Variants in LSMEM1 observed in about 807,000 individuals in gnomAD.
LSMEM1 encodes the protein leucine rich single-pass membrane protein 1.
In LSMEM1, 10 loss-of-function variants were observed where a neutral mutation model predicts 11.3. The ratio of observed to expected loss-of-function variants is 0.89; its 90% CI spans 0.55 to 1.50. LSMEM1 has a LOEUF of 1.50. Ranked by LOEUF, LSMEM1 falls within the 40% of genes most tolerant of loss-of-function variation. The pLI, the probability that LSMEM1 is intolerant of heterozygous loss-of-function variation, is 0.00. For missense variants in LSMEM1, 151 were observed against 152.9 expected (o/e 0.99, Z 0.06); for synonymous variants, 65 against 59.3 (o/e 1.10, Z -0.44).
Position 112,489,986 on chromosome 7 carries a change from A to G in LSMEM1, c.*37A>G. On this transcript the variant is annotated 3_prime_UTR_variant, in exon 4 of 4. Coordinates refer to ENST00000312849, the MANE Select transcript of LSMEM1 (RefSeq NM_182597.3). ...TCTGAAAGCACCTGCTAACACCTTG[A>G]GCTTTTTACTTTCCTGGGAGTGTAC... 6.3e-7 allele frequency: 1 copy of G among 1,594,354 alleles called. No individual in the cohort carries two copies. Among genetic ancestry groups the G allele is most frequent in the Non-Finnish European group, 8.5e-7 (1 of 1,172,188 alleles).
At chr7:112,480,774 G>A (rs181416674), upstream of LSMEM1, 433 of 455,666 alleles carry the variant, frequency 9.5e-4, 1 homozygote, top group African/African-American at 7.5e-3. Flanking sequence ...AGCACTAGGC[G>A]TCTGACCTGC....
chr7:112,485,394 AAG>A (rs1348412754), intron 2 of LSMEM1, among the ~76,000 whole-genome samples: 1 of 151,658 alleles, frequency 6.6e-6, no homozygotes. Context: ...GGGTTGGAGA[AAG>A]GGGGTGGGGG....
chr7:112,489,684 A>T, intron 3 of LSMEM1, 126 bp from the exon 4 acceptor site: 2 of 1,063,894 alleles, frequency 1.9e-6, no homozygotes, highest in South Asian at 1.7e-5. Context: ...GCATGCATGG[A>T]TATGGGAACA....
At position 112,484,851 on chromosome 7, in the gene LSMEM1, G is replaced by A; in HGVS notation, c.35G>A (p.Gly12Asp). ...THSSQDTGSCGIQEDGKLYVV... is the reference protein window; with the variant it reads ...THSSQDTGSCDIQEDGKLYVV... Reference sequence around the variant, plus strand: ...TCTTCCCAGGACACTGGTTCTTGTGGCATTCAGGAAGATGGAAAGCTTTAT... The same window carrying A: ...TCTTCCCAGGACACTGGTTCTTGTGACATTCAGGAAGATGGAAAGCTTTAT... The change falls in exon 2 of 4, where the codon GGC becomes GAC. Residue 12 changes from glycine to aspartate, a missense_variant. Physicochemically the swap from Gly to Asp is moderately conservative, Grantham distance 94. Transcript: ENST00000312849. The A allele has an allele frequency of 6.2e-7, 1 of 1,613,752 alleles. No homozygotes were observed. The highest frequency in any genetic ancestry group is 1.3e-5 in the African/African-American group (1 of 74,986).
Position 112,490,183 on chromosome 7 carries a change from C to A in LSMEM1, c.*234C>A. 2.4e-6 allele frequency: 1 copy of A among 425,364 alleles called. No homozygotes were observed. The allele number at this position is 425,364 out of a possible 1,614,324, so 26.3% of individuals were successfully genotyped here. On this transcript the variant is annotated 3_prime_UTR_variant, in exon 4 of 4. Coordinates refer to ENST00000312849, the MANE Select transcript of LSMEM1 (RefSeq NM_182597.3). ...GTCTCAGCCCCCTTTTATGGTAGGG[C>A]ACTTCAACTTTAATGGGGTGGGCGG...
chr7:112,486,990 G>C lies in LSMEM1; in HGVS notation c.195G>C (p.Val65=). Residue 65 remains valine, a synonymous_variant, in exon 3 of 4, where the codon GTG becomes GTC. Coordinates refer to ENST00000312849, the MANE Select transcript of LSMEM1 (RefSeq NM_182597.3). ...SGNGSRSLFF[V]GLLIVLIVSL... ...ATGGAAGCCGGAGTCTGTTTTTTGT[G>C]GGGCTGCTAATTGTGCTGATTGTCA... 2 of 1,614,080 alleles carry C rather than the reference G, an allele frequency of 1.2e-6. No homozygotes were observed. Among genetic ancestry groups the C allele is most frequent in the Non-Finnish European group, 1.7e-6 (2 of 1,180,000 alleles).
At chr7:112,483,005 A>G (rs1796059003) in intron 1 of LSMEM1, among the ~76,000 whole-genome samples, 1 of 152,222 alleles carries the variant, frequency 6.6e-6, no homozygotes, top group Admixed American at 6.5e-5. Context: ...GGGTTCTGGT[A>G]GCACATTTTT....
At chr7:112,486,870 C>T (rs1796140815) in intron 2 of LSMEM1, 53 bp from the exon 3 acceptor site, 1 of 1,609,622 alleles carries the variant, frequency 6.2e-7, no homozygotes, top group Non-Finnish European at 8.5e-7. Flanking sequence ...GTTCTGCTGA[C>T]AAGTTGTATG....
chr7:112,487,218 G>T (rs1796150776), intron 3 of LSMEM1, among the ~76,000 whole-genome samples, 167 bp downstream of exon 3: 1 of 152,256 alleles, frequency 6.6e-6, no homozygotes, highest in African/African-American at 2.4e-5. Flanking sequence ...GCTGAGGACA[G>T]GGTCCCTTGG....
chr7:112,485,039 G>GGGGGGGGGGGGGGC, intron 2 of LSMEM1, 96 bp downstream of exon 2: 1 of 1,330,412 alleles, frequency 7.5e-7, no homozygotes, highest in Non-Finnish European at 1.0e-6. Flanking sequence ...GGTGGAGGGG[G>GGGGGGGGGGGGGGC]AGGGGGCATT....
intron 2 of LSMEM1, 198 bp from the exon 3 acceptor site, chr7:112,486,725 G>T: frequency 1.8e-6 from 1 of 567,376 alleles, no homozygotes; most frequent in Non-Finnish European, 2.9e-6. Context: ...GCAGTGAGCC[G>T]AGATCAAGCC....
intron 2 of LSMEM1, chr7:112,486,399 G>C: frequency 2.2e-6 from 1 of 451,704 alleles, no homozygotes; most frequent in Non-Finnish European, 4.5e-6. Context: ...TAAGGAGATA[G>C]CTTAACCCTG....
Position 112,490,004 on chromosome 7 carries a change from G to T in LSMEM1, c.*55G>T. On this transcript the variant is annotated 3_prime_UTR_variant, in exon 4 of 4. Transcript: ENST00000312849. ...CACCTTGAGCTTTTTACTTTCCTGG[G>T]AGTGTACAGGGTTAGGAACTGAGAA... 1 of 1,573,564 alleles carries T rather than the reference G, an allele frequency of 6.4e-7. No homozygotes were observed.
rs2117365394 is a variant in LSMEM1 at position 112,484,893 on chromosome 7, A to G, written c.77A>G (p.Asn26Ser). The G allele has an allele frequency of 1.2e-6, 2 of 1,613,786 alleles. No homozygotes were observed. The highest frequency in any genetic ancestry group is 1.7e-6 in the Non-Finnish European group (2 of 1,179,784). ...DGKLYVVDSINDLNKLNLCPA... is the reference protein window; with the variant it reads ...DGKLYVVDSISDLNKLNLCPA... ...AAGCTTTATGTGGTGGATTCCATAA[A>G]TGACTTAAACAAACTAAACCTCTGT... Residue 26 changes from asparagine to serine, a missense_variant, in exon 2 of 4, where the codon AAT (asparagine) becomes AGT (serine). Asn to Ser is a conservative substitution (Grantham distance 46). Transcript: ENST00000312849.
At chr7:112,486,807 G>C (rs1796138383) in intron 2 of LSMEM1, 116 bp from the exon 3 acceptor site, 2 of 1,402,048 alleles carry the variant, frequency 1.4e-6, no homozygotes, top group Non-Finnish European at 9.6e-7. Context: ...AGGCTTGTCA[G>C]AGAGAAAGTG....
At chr7:112,488,487 C>T (rs1403243238) in intron 3 of LSMEM1, among the ~76,000 whole-genome samples, 4 of 152,102 alleles carry the variant, frequency 2.6e-5, no homozygotes, top group African/African-American at 7.2e-5. Context: ...GGAAATAATA[C>T]CAAATGCTAT....
intron 1 of LSMEM1, among the ~76,000 whole-genome samples, chr7:112,482,674 A>C (rs1487340090): frequency 6.6e-6 from 1 of 152,230 alleles, no homozygotes; most frequent in East Asian, 1.9e-4. Flanking sequence ...GTGACTATGC[A>C]TGAGTGAATA....
chr7:112,489,904 A>C lies in LSMEM1; in HGVS notation c.351A>C (p.Val117=). ...DDLKRINNMI[V]KRLNQLNQLD... ...TTAAGAGAATCAATAACATGATCGT[A>C]AAGCGACTCAACCAACTCAACCAAC... The change falls in exon 4 of 4, where the codon GTA becomes GTC. Residue 117 remains valine (V), a synonymous_variant. Transcript: ENST00000312849. 1 of 1,614,180 alleles carries C rather than the reference A, an allele frequency of 6.2e-7. No individual in the cohort carries two copies.
At chr7:112,483,872 T>C (rs1336072953) in intron 1 of LSMEM1, among the ~76,000 whole-genome samples, 1 of 152,212 alleles carries the variant, frequency 6.6e-6, no homozygotes, top group Non-Finnish European at 1.5e-5. Flanking sequence ...CGATTAGACT[T>C]GATAACCATG....
Sources: gnomAD v4.1 joint callset for allele counts (sites outside exome capture counted in the v4.1 genomes callset) on GRCh38, gnomAD v4.1.1 for gene constraint, MANE v1.5 for transcripts, NCBI Gene and HGNC (gene_info 2026-07-23, HGNC 2026-07-21) for gene names.